The following BANK1 variants were observed in gnomAD, a reference collection of about 807,000 sequenced individuals.
The protein encoded by BANK1 is B-cell scaffold protein with ankyrin repeats.
BANK1 carries 95 observed loss-of-function variants against 94.5 expected under a neutral mutation model. The observed-to-expected ratio is 1.00, with a 90% confidence interval of 0.85 to 1.19. The LOEUF is 1.19. Among genes scored for constraint, BANK1 ranks in the 50% most tolerant of loss-of-function variants. The probability of loss-of-function intolerance (pLI) is 0.00; values close to 1 mark genes in which losing one functional copy is unlikely to be tolerated. For missense variants in BANK1, 987 were observed against 932.2 expected (o/e 1.06, Z -0.77); for synonymous variants, 334 against 308.4 (o/e 1.08, Z -0.87).
At chr4:101,878,957 T>TA (rs1728583909) in intron 5 of BANK1, among the ~76,000 whole-genome samples, 1 of 150,918 alleles carries the variant, frequency 6.6e-6, no homozygotes, top group Non-Finnish European at 1.5e-5. Context: ...AAAGCAGTAC[T>TA]AAGAGGGAAG....
At chr4:101,858,096 C>G (rs1727746029) in intron 3 of BANK1, among the ~76,000 whole-genome samples, 1 of 152,190 alleles carries the variant, frequency 6.6e-6, no homozygotes, top group African/African-American at 2.4e-5. Context: ...AAAACCAGAA[C>G]TTGACCTGAT....
At chr4:101,870,787 C>T in intron 5 of BANK1, 143 bp downstream of exon 5, 3 of 996,246 alleles carry the variant, frequency 3.0e-6, no homozygotes, top group Non-Finnish European at 4.2e-6. Flanking sequence ...GAAGAGGCAA[C>T]CTCTGTTGTG....
chr4:102,003,015 C>A (rs1726130623), intron 7 of BANK1, among the ~76,000 whole-genome samples: 1 of 152,164 alleles, frequency 6.6e-6, no homozygotes, highest in Non-Finnish European at 1.5e-5. Context: ...CCCACCTCGG[C>A]CTCCCAAAGT....
intron 7 of BANK1, among the ~76,000 whole-genome samples, chr4:102,020,720 A>T (rs777709163): frequency 1.4e-4 from 21 of 152,170 alleles, no homozygotes; most frequent in Non-Finnish European, 2.4e-4. Flanking sequence ...AATTATTTCA[A>T]TTAATTTTTT....
At position 101,853,961 on chromosome 4, in the gene BANK1, T is replaced by C. The variant is rs1044070730; in HGVS notation, c.470-1074T>C. ...ATTCTGACATGATTACAACGTGGTCTTGTCACTCTCTTGGTTCATCATGGT... is the reference window on the plus strand; with the variant it reads ...ATTCTGACATGATTACAACGTGGTCCTGTCACTCTCTTGGTTCATCATGGT... On this transcript the variant is annotated intron_variant, in intron 2 of 16. Coordinates refer to ENST00000322953, the MANE Select transcript of BANK1 (RefSeq NM_017935.5). Among the ~76,000 whole-genome samples, 7 of 152,192 alleles carry C rather than the reference T, an allele frequency of 4.6e-5. No homozygotes were observed. In the South Asian group the frequency reaches 8.3e-4, roughly 18 times the overall value.
intron 7 of BANK1, among the ~76,000 whole-genome samples, chr4:101,981,671 G>T (rs1287017180): frequency 1.3e-5 from 2 of 151,952 alleles, no homozygotes; most frequent in African/African-American, 4.8e-5. Context: ...GAGGGTTCCT[G>T]GTGGGAGTTC....
chr4:101,962,106 C>A (rs149094253), intron 7 of BANK1, among the ~76,000 whole-genome samples: 1 of 152,266 alleles, frequency 6.6e-6, no homozygotes, highest in East Asian at 1.9e-4. Context: ...CCTTTGTAAT[C>A]TGTCTTTTCT....
At chr4:101,866,604 T>C (rs1337887341) in intron 4 of BANK1, among the ~76,000 whole-genome samples, 1 of 152,082 alleles carries the variant, frequency 6.6e-6, no homozygotes, top group Non-Finnish European at 1.5e-5. Context: ...AGAAAACGAA[T>C]ACCTTACCTG....
At chr4:102,046,169 C>T (rs1727871862) in intron 11 of BANK1, among the ~76,000 whole-genome samples, 1 of 151,544 alleles carries the variant, frequency 6.6e-6, no homozygotes, top group South Asian at 2.1e-4. Flanking sequence ...CTTTGAGAAA[C>T]CTGAGAAAAA....
chr4:101,932,199 A>G (rs957311618), intron 7 of BANK1, among the ~76,000 whole-genome samples: 1 of 151,462 alleles, frequency 6.6e-6, no homozygotes, highest in Non-Finnish European at 1.5e-5. Flanking sequence ...TCCTTCCTTA[A>G]GAAATAGTAG....
At chr4:102,025,766 C>A (rs1248366365) in intron 9 of BANK1, among the ~76,000 whole-genome samples, 1 of 151,722 alleles carries the variant, frequency 6.6e-6, no homozygotes, top group African/African-American at 2.4e-5. Flanking sequence ...TTTCTTCCTT[C>A]CTTCTCCCAC....
intron 14 of BANK1, 99 bp downstream of exon 14, chr4:102,071,403 A>G: frequency 8.5e-7 from 1 of 1,172,354 alleles, no homozygotes; most frequent in South Asian, 1.4e-5. Context: ...TAAGCAAGTC[A>G]GTGTAAACAT....
chr4:101,850,105 A>C (rs1039497491), intron 2 of BANK1, among the ~76,000 whole-genome samples: 6 of 152,224 alleles, frequency 3.9e-5, no homozygotes, highest in African/African-American at 1.4e-4. Flanking sequence ...TTATATTTTT[A>C]AGGGTGTGTT....
At chr4:102,000,524 T>C (rs553599338) in intron 7 of BANK1, among the ~76,000 whole-genome samples, 35 of 152,106 alleles carry the variant, frequency 2.3e-4, no homozygotes, top group South Asian at 6.3e-4. Context: ...AGTAAGAGGG[T>C]GGGAAGGTGA....
At chr4:101,827,040 T>G (rs1441956194) in intron 1 of BANK1, among the ~76,000 whole-genome samples, 2 of 151,954 alleles carry the variant, frequency 1.3e-5, no homozygotes, top group Non-Finnish European at 2.9e-5. Flanking sequence ...CGTTTCACTC[T>G]TTGTACTCAT....
intron 4 of BANK1, among the ~76,000 whole-genome samples, chr4:101,869,105 C>A (rs114661219): frequency 0.026 from 3,905 of 151,908 alleles, 178 homozygotes; most frequent in African/African-American, 0.09. Flanking sequence ...AAGCAAATCT[C>A]ACCATATACC....
At position 101,792,466 on chromosome 4, in the gene BANK1, TGTG is replaced by T. The variant is rs771310335; in HGVS notation, c.70+1517_70+1519del. Among the ~76,000 whole-genome samples, 897 of 97,218 alleles carry T rather than the reference TGTG, an allele frequency of 9.2e-3. 4 individuals are homozygous for T. The highest frequency in any genetic ancestry group is 0.02 in the Middle Eastern group (3 of 148). The allele number at this position is 97,218 out of a possible 152,430, so 63.8% of individuals were successfully genotyped here. Reference sequence around the variant, plus strand: ...TTGTGTGTGTGTGTGTGTGTGTGTGTGTGTTTTTTTTTTTTTAATGAAGAGCTC... The same window carrying T: ...TTGTGTGTGTGTGTGTGTGTGTGTGTTTTTTTTTTTTTTAATGAAGAGCTC... On this transcript the variant is annotated intron_variant, in intron 1 of 16. Coordinates refer to ENST00000322953, the MANE Select transcript of BANK1 (RefSeq NM_017935.5).
At chr4:101,950,018 GGTGTGTGTGTGTGTGTGTGTGTGT>G (rs6148602) in intron 7 of BANK1, among the ~76,000 whole-genome samples, 2 of 149,304 alleles carry the variant, frequency 1.3e-5, no homozygotes, top group African/African-American at 5.0e-5. Context: ...GGAAGTAAGG[GGTGTGTGTGTGTGTGTGTGTGTGT>G]GTGTGTGTGT....
In BANK1 at chr4:101,983,387, G is replaced by A. The variant is rs141427501; in HGVS notation, c.1207-38127G>A. 7.6e-3 allele frequency among the ~76,000 whole-genome samples: 1,151 copies of A among 152,110 alleles called. 9 individuals are homozygous for A. Among genetic ancestry groups the A allele is most frequent in the Non-Finnish European group, 0.012 (823 of 67,944 alleles). ...TGGACTTGAATCTTGTCTTTACCAC[G>A]TAGTAGCTGTTGTGACTTTAAGCAA... is the stretch of plus-strand genomic sequence containing the variant. On this transcript the variant is annotated intron_variant, in intron 7 of 16. Coordinates refer to ENST00000322953, the MANE Select transcript of BANK1 (RefSeq NM_017935.5).
Sources: gnomAD v4.1 joint callset for allele counts (sites outside exome capture counted in the v4.1 genomes callset) on GRCh38, gnomAD v4.1.1 for gene constraint, MANE v1.5 for transcripts, NCBI Gene and HGNC (gene_info 2026-07-23, HGNC 2026-07-21) for gene names.